TENM3: variants seen among roughly 807,000 people sequenced by gnomAD.
The protein encoded by TENM3 is teneurin transmembrane protein 3.
Under a neutral mutation model 255.1 loss-of-function variants are expected in TENM3, and 63 were observed. The observed-to-expected ratio is 0.25, with a 90% CI of 0.20 to 0.30. The LOEUF (loss-of-function observed/expected upper bound fraction) is 0.30. Among genes scored for constraint, TENM3 ranks in the 10% least tolerant of loss-of-function variants. The pLI is 1.00. For missense variants in TENM3, 2,929 were observed against 3,461.1 expected (o/e 0.85, Z 3.86); for synonymous variants, 1,306 against 1,322.3 (o/e 0.99, Z 0.27).
chr4:182,604,379 A>G lies in TENM3; in HGVS notation c.749+3218A>G, dbSNP rs77041447. Reference sequence around the variant, plus strand: ...GTATAATACCAAGTGCTTGCTTACAATTTTCCTGAAAATTCCTTTTCTTTG... The same window carrying G: ...GTATAATACCAAGTGCTTGCTTACAGTTTTCCTGAAAATTCCTTTTCTTTG... On this transcript the variant is annotated intron_variant, in intron 4 of 27. Transcript: ENST00000511685. Among the ~76,000 whole-genome samples the G allele has an allele frequency of 5.2e-3, 794 of 152,240 alleles. 5 individuals are homozygous for G. Among genetic ancestry groups the G allele is most frequent in the African/African-American group, 0.018 (731 of 41,536 alleles).
At chr4:182,279,976 A>C (rs1425825260) in intron 1 of TENM3, among the ~76,000 whole-genome samples, 1 of 152,194 alleles carries the variant, frequency 6.6e-6, no homozygotes, top group Non-Finnish European at 1.5e-5. Flanking sequence ...TTTCAAAAAG[A>C]CTTTCTCCAC....
intron 3 of TENM3, among the ~76,000 whole-genome samples, chr4:182,379,976 A>G (rs1260783918): frequency 6.6e-6 from 1 of 152,202 alleles, no homozygotes; most frequent in Non-Finnish European, 1.5e-5. Flanking sequence ...CAACAACAAA[A>G]GACTAGTGCA....
chr4:182,526,654 TCAAA>T (rs1404688610), intron 3 of TENM3, among the ~76,000 whole-genome samples: 3 of 152,212 alleles, frequency 2.0e-5, no homozygotes, highest in Non-Finnish European at 2.9e-5. Flanking sequence ...TGTTCACCTC[TCAAA>T]CAGAGAACAC....
chr4:182,086,534 G>A, the TENM3 span, among the ~76,000 whole-genome samples: 1 of 152,214 alleles, frequency 6.6e-6, no homozygotes, highest in South Asian at 2.1e-4. Flanking sequence ...TGGAGAGAGA[G>A]CTGAAATACA....
At chr4:182,033,089 G>C in the TENM3 span, among the ~76,000 whole-genome samples, 1 of 150,962 alleles carries the variant, frequency 6.6e-6, no homozygotes, top group Non-Finnish European at 1.5e-5. Flanking sequence ...TGCTAGCTTT[G>C]GGGTTTGTTT....
intron 2 of TENM3, among the ~76,000 whole-genome samples, chr4:182,339,806 G>C (rs1388182605): frequency 6.6e-6 from 1 of 152,106 alleles, no homozygotes; most frequent in Non-Finnish European, 1.5e-5. Flanking sequence ...GATATCAGCA[G>C]ATACATTGCA....
the TENM3 span, among the ~76,000 whole-genome samples, chr4:181,518,315 C>T: frequency 6.6e-6 from 1 of 151,408 alleles, no homozygotes; most frequent in Non-Finnish European, 1.5e-5. Context: ...TTTTTTTAAC[C>T]CTTTAAAAAT....
intron 1 of TENM3, among the ~76,000 whole-genome samples, chr4:182,276,085 C>T (rs1271105594): frequency 6.6e-6 from 1 of 152,158 alleles, no homozygotes; most frequent in Non-Finnish European, 1.5e-5. Context: ...AATGAGAAGT[C>T]TCCAGCTGGG....
At chr4:181,516,667 T>A in the TENM3 span, among the ~76,000 whole-genome samples, 1 of 151,838 alleles carries the variant, frequency 6.6e-6, no homozygotes. Flanking sequence ...TCCCAGCTAC[T>A]CGGGCGGCTG....
the TENM3 span, among the ~76,000 whole-genome samples, chr4:181,746,000 G>T: frequency 6.6e-6 from 1 of 152,154 alleles, no homozygotes; most frequent in Non-Finnish European, 1.5e-5. Flanking sequence ...TGAGTTGATA[G>T]TGTAGGATAG....
intron 3 of TENM3, among the ~76,000 whole-genome samples, chr4:182,420,526 T>G (rs1770751357): frequency 6.6e-6 from 1 of 152,212 alleles, no homozygotes; most frequent in African/African-American, 2.4e-5. Context: ...TCAGGAAGTT[T>G]CTAGGCCTTT....
the TENM3 span, among the ~76,000 whole-genome samples, chr4:182,031,224 T>G: frequency 6.6e-6 from 1 of 152,174 alleles, no homozygotes; most frequent in East Asian, 1.9e-4. Context: ...TTGAGTTAAT[T>G]TTTCTATAAG....
chr4:182,482,248 T>C (rs1392043964), intron 3 of TENM3, among the ~76,000 whole-genome samples: 1 of 152,214 alleles, frequency 6.6e-6, no homozygotes, highest in Non-Finnish European at 1.5e-5. Flanking sequence ...TAAATACGTT[T>C]GGCTTAATTA....
chr4:182,257,475 C>T (rs894714406), intron 1 of TENM3, among the ~76,000 whole-genome samples: 6 of 151,894 alleles, frequency 4.0e-5, no homozygotes, highest in African/African-American at 7.3e-5. Flanking sequence ...AACAATTAGG[C>T]GGTTGGGAAA....
the TENM3 span, among the ~76,000 whole-genome samples, chr4:181,547,505 T>C: frequency 6.6e-6 from 1 of 152,172 alleles, no homozygotes; most frequent in South Asian, 2.1e-4. Flanking sequence ...AATCAAAAAT[T>C]ATTTTAAACA....
intron 3 of TENM3, among the ~76,000 whole-genome samples, chr4:182,490,305 A>T (rs1392414019): frequency 6.6e-6 from 1 of 152,148 alleles, no homozygotes; most frequent in Admixed American, 6.5e-5. Flanking sequence ...TGTTTTTGTC[A>T]TGTTTAACTA....
At chr4:181,888,509 T>C in the TENM3 span, among the ~76,000 whole-genome samples, 19 of 32,420 alleles carry the variant, frequency 5.9e-4, 2 homozygotes, top group Admixed American at 8.6e-4. Context: ...TATATATATA[T>C]ATATATGTAT....
chr4:181,815,231 C>G, the TENM3 span, among the ~76,000 whole-genome samples: 3 of 151,354 alleles, frequency 2.0e-5, no homozygotes, highest in South Asian at 2.1e-4. Flanking sequence ...GGGGGCGGAT[C>G]ACCTGAGGTC....
intron 3 of TENM3, among the ~76,000 whole-genome samples, chr4:182,475,697 A>T (rs766010931): frequency 4.6e-5 from 7 of 152,238 alleles, no homozygotes; most frequent in Non-Finnish European, 7.3e-5. Flanking sequence ...AATGACAAGT[A>T]GTAGCAAGCT....
Sources: allele counts gnomAD v4.1 joint callset (sites outside exome capture counted in the v4.1 genomes callset), GRCh38; gene constraint gnomAD v4.1.1; transcripts MANE v1.5; gene names NCBI Gene and HGNC (gene_info 2026-07-23, HGNC 2026-07-21).